Variants in LRMDA observed in about 807,000 individuals in gnomAD.
LRMDA encodes the protein leucine rich melanocyte differentiation associated.
In LRMDA, 18 loss-of-function variants were observed where a neutral mutation model predicts 29.8. The ratio of observed to expected loss-of-function variants is 0.60; its 90% CI spans 0.42 to 0.90. The LOEUF (loss-of-function observed/expected upper bound fraction) is 0.90, where lower values mean the gene tolerates loss of function less well. Ranked by LOEUF, LRMDA falls within the 40% of genes least tolerant of loss-of-function variation. LRMDA has a pLI of 0.00. For missense variants in LRMDA, 273 were observed against 273.9 expected (o/e 1.00, Z 0.02); for synonymous variants, 125 against 109.4 (o/e 1.14, Z -0.89).
intron 3 of LRMDA, among the ~76,000 whole-genome samples, chr10:76,036,529 C>T (rs760972536): frequency 2.6e-4 from 40 of 152,324 alleles, no homozygotes; most frequent in Non-Finnish European, 2.4e-4. Flanking sequence ...TGGGAAGTCC[C>T]GGGTAATGCC....
intron 5 of LRMDA, among the ~76,000 whole-genome samples, chr10:76,106,392 T>C (rs7919901): frequency 0.39 from 59,162 of 152,044 alleles, 12,213 homozygotes; most frequent in Middle Eastern, 0.48. Context: ...AACCTATCAA[T>C]AGCGTATGGA....
intron 2 of LRMDA, among the ~76,000 whole-genome samples, chr10:75,804,385 A>G (rs1843811068): frequency 6.6e-6 from 1 of 152,116 alleles, no homozygotes; most frequent in Non-Finnish European, 1.5e-5. Context: ...CGGCGATGTG[A>G]TTTATGTGAT....
intron 2 of LRMDA, among the ~76,000 whole-genome samples, chr10:75,717,345 C>G (rs867664802): frequency 1.3e-5 from 2 of 152,222 alleles, no homozygotes; most frequent in South Asian, 4.1e-4. Context: ...TTTGCAGAGT[C>G]AAGCCCTATA....
chr10:75,641,285 G>A (rs1005690688), intron 2 of LRMDA, among the ~76,000 whole-genome samples: 3 of 151,988 alleles, frequency 2.0e-5, no homozygotes, highest in South Asian at 2.1e-4. Flanking sequence ...AGGAGCCATC[G>A]GTCCTCCTTT....
chr10:76,065,870 C>T (rs1322455714), intron 5 of LRMDA, among the ~76,000 whole-genome samples: 1 of 152,234 alleles, frequency 6.6e-6, no homozygotes, highest in Admixed American at 6.5e-5. Context: ...TGGGCCAAGG[C>T]CTTACACAGC....
At chr10:76,145,555 A>T (rs28858453) in intron 5 of LRMDA, among the ~76,000 whole-genome samples, 1 of 112,916 alleles carries the variant, frequency 8.9e-6, no homozygotes, top group Non-Finnish European at 1.9e-5. Context: ...GTCATTTTTT[A>T]TTGCGTCTAT....
intron 6 of LRMDA, among the ~76,000 whole-genome samples, chr10:76,506,118 C>G (rs1286791608): frequency 6.6e-6 from 1 of 152,058 alleles, no homozygotes; most frequent in African/African-American, 2.4e-5. Flanking sequence ...TCTTTTGACT[C>G]TTGGTATTTT....
At chr10:75,924,885 G>A (rs1846092783) in intron 2 of LRMDA, among the ~76,000 whole-genome samples, 1 of 152,132 alleles carries the variant, frequency 6.6e-6, no homozygotes, top group African/African-American at 2.4e-5. Context: ...TAAATTTGAG[G>A]GGCTGGGGTT....
intron 5 of LRMDA, among the ~76,000 whole-genome samples, chr10:76,124,621 T>G (rs1849847063): frequency 6.6e-6 from 1 of 152,232 alleles, no homozygotes; most frequent in Non-Finnish European, 1.5e-5. Flanking sequence ...GCCACACCCT[T>G]AGGACTTAGG....
chr10:75,542,602 A>G (rs139729827), intron 2 of LRMDA, among the ~76,000 whole-genome samples: 1 of 152,324 alleles, frequency 6.6e-6, no homozygotes, highest in East Asian at 1.9e-4. Flanking sequence ...AAGAGAGCTG[A>G]TTGCGAATAT....
At chr10:75,654,616 G>A (rs565351361) in intron 2 of LRMDA, among the ~76,000 whole-genome samples, 64 of 152,226 alleles carry the variant, frequency 4.2e-4, no homozygotes, top group South Asian at 1.7e-3. Flanking sequence ...TTGCCAGTTT[G>A]TTTGTCTTAG....
chr10:75,799,583 C>T (rs563747531), intron 2 of LRMDA, among the ~76,000 whole-genome samples: 5 of 151,466 alleles, frequency 3.3e-5, no homozygotes, highest in South Asian at 2.1e-4. Flanking sequence ...GGTGCAATCT[C>T]GGCTCACTGC....
chr10:76,347,383 C>T (rs1841121853), intron 6 of LRMDA, among the ~76,000 whole-genome samples: 1 of 152,184 alleles, frequency 6.6e-6, no homozygotes, highest in South Asian at 2.1e-4. Flanking sequence ...CCAATAGCTT[C>T]ATGGACAGTC....
intron 5 of LRMDA, among the ~76,000 whole-genome samples, chr10:76,262,639 C>T (rs1177951419): frequency 6.6e-6 from 1 of 152,200 alleles, no homozygotes; most frequent in Non-Finnish European, 1.5e-5. Context: ...TCCTCTGCAA[C>T]TTATTTAGCC....
intron 5 of LRMDA, among the ~76,000 whole-genome samples, chr10:76,059,450 A>AT (rs1490398052): frequency 1.3e-5 from 2 of 152,064 alleles, no homozygotes; most frequent in Admixed American, 6.6e-5. Context: ...ACACAAGGAG[A>AT]TTTTTTAAGG....
At chr10:76,231,877 T>C (rs1852065182) in intron 5 of LRMDA, among the ~76,000 whole-genome samples, 1 of 152,188 alleles carries the variant, frequency 6.6e-6, no homozygotes, top group African/African-American at 2.4e-5. Flanking sequence ...TATCAGTTTC[T>C]ATATACAAAC....
chr10:76,551,862 A>G (rs1317226715), intron 6 of LRMDA, among the ~76,000 whole-genome samples: 2 of 152,080 alleles, frequency 1.3e-5, no homozygotes, highest in Non-Finnish European at 2.9e-5. Flanking sequence ...TCTTCACAAC[A>G]TTGTTATCAC....
intron 2 of LRMDA, among the ~76,000 whole-genome samples, chr10:75,744,690 C>T (rs1279288273): frequency 1.3e-5 from 2 of 152,120 alleles, no homozygotes; most frequent in African/African-American, 4.8e-5. Flanking sequence ...TTAGATCTGC[C>T]AATTTGTAGT....
chr10:75,741,353 A>G (rs554382770), intron 2 of LRMDA, among the ~76,000 whole-genome samples: 2 of 151,542 alleles, frequency 1.3e-5, no homozygotes, highest in Non-Finnish European at 2.9e-5. Flanking sequence ...CAAGTGAGCA[A>G]CTCTCTCTCA....
Sources: allele counts gnomAD v4.1 joint callset (sites outside exome capture counted in the v4.1 genomes callset), GRCh38; gene constraint gnomAD v4.1.1; transcripts MANE v1.5; gene names NCBI Gene and HGNC (gene_info 2026-07-23, HGNC 2026-07-21).